The following RAB38 variants were observed in gnomAD, a reference collection of about 807,000 sequenced individuals.
The protein encoded by RAB38 is RAB38, member RAS oncogene family, also known as ras-related protein Rab-38.
Under a neutral mutation model 18.4 loss-of-function variants are expected in RAB38, and 15 were observed. The ratio of observed to expected loss-of-function variants is 0.82; its 90% CI spans 0.55 to 1.26. The LOEUF (loss-of-function observed/expected upper bound fraction) is 1.26, where lower values mean the gene tolerates loss of function less well. Ranked by LOEUF, RAB38 falls within the 50% of genes most tolerant of loss-of-function variation. The pLI is 0.00. For synonymous variants in RAB38, 101 were observed against 104.4 expected (o/e 0.97, Z 0.20); for missense variants, 294 against 267.4 (o/e 1.10, Z -0.69).
the RAB38 span, among the ~76,000 whole-genome samples, chr11:87,894,542 T>A: frequency 5.3e-5 from 8 of 151,700 alleles, no homozygotes; most frequent in Admixed American, 5.3e-4. Context: ...TGTATTAAAA[T>A]CATCTGAACA....
At chr11:88,133,770 G>C (rs1942795615) in intron 2 of RAB38, among the ~76,000 whole-genome samples, 1 of 152,014 alleles carries the variant, frequency 6.6e-6, no homozygotes, top group Non-Finnish European at 1.5e-5. Context: ...TTACTACTCA[G>C]AAGAATAGCA....
At chr11:87,976,469 CAT>C in the RAB38 span, among the ~76,000 whole-genome samples, 19 of 127,346 alleles carry the variant, frequency 1.5e-4, no homozygotes, top group African/African-American at 5.4e-4. Flanking sequence ...ATATATTTTA[CAT>C]ATAGTTATAT....
At position 88,149,930 on chromosome 11, in the gene RAB38, C is replaced by T. The variant is rs150190201; in HGVS notation, c.228G>A (p.Thr76=). 2.5e-4 allele frequency: 396 copies of T among 1,611,144 alleles called. No homozygotes were observed. The highest frequency in any genetic ancestry group is 3.2e-4 in the Non-Finnish European group (374 of 1,178,722). The change falls in exon 2 of 3, where the codon ACG becomes ACA. Residue 76 remains threonine, a synonymous_variant. Coordinates refer to ENST00000243662, the MANE Select transcript of RAB38 (RefSeq NM_022337.3). ...IAGQERFGNM[T]RVYYREAMGA... ...CCATAGCTTCTCGGTAATAGACCCTCGTCATGTTTCCAAATCTTTCTTGAC... is the reference window on the plus strand; with the variant it reads ...CCATAGCTTCTCGGTAATAGACCCTTGTCATGTTTCCAAATCTTTCTTGAC...
chr11:88,123,673 G>C (rs987123546), intron 2 of RAB38, among the ~76,000 whole-genome samples: 4 of 152,118 alleles, frequency 2.6e-5, no homozygotes, highest in Non-Finnish European at 5.9e-5. Flanking sequence ...TGCTCCACAG[G>C]TGATTTCAGT....
the RAB38 span, among the ~76,000 whole-genome samples, chr11:88,020,572 G>A: frequency 7.2e-5 from 11 of 151,958 alleles, no homozygotes; most frequent in African/African-American, 1.7e-4. Flanking sequence ...AAGAAACATC[G>A]GACTTAATCT....
the RAB38 span, among the ~76,000 whole-genome samples, chr11:88,092,649 C>G: frequency 6.6e-6 from 1 of 151,466 alleles, no homozygotes; most frequent in Non-Finnish European, 1.5e-5. Context: ...ATATCTGAAC[C>G]ATGTCAAAGA....
the RAB38 span, among the ~76,000 whole-genome samples, chr11:87,913,299 G>A: frequency 6.6e-6 from 1 of 152,042 alleles, no homozygotes; most frequent in South Asian, 2.1e-4. Flanking sequence ...ATGGAGGAAT[G>A]TTAAAATCTT....
chr11:88,021,563 A>AATTTATTTATTT, the RAB38 span, among the ~76,000 whole-genome samples: 89 of 141,954 alleles, frequency 6.3e-4, no homozygotes, highest in African/African-American at 1.9e-3. Context: ...AGAGAAAGAT[A>AATTTATTTATTT]ATTTATTTAT....
At chr11:88,151,947 G>C (rs1943067231) in intron 1 of RAB38, among the ~76,000 whole-genome samples, 1 of 152,210 alleles carries the variant, frequency 6.6e-6, no homozygotes, top group Non-Finnish European at 1.5e-5. Flanking sequence ...GGTTATACCA[G>C]AGACGCATTT....
chr11:87,972,679 A>T, the RAB38 span, among the ~76,000 whole-genome samples: 8 of 152,092 alleles, frequency 5.3e-5, no homozygotes, highest in Non-Finnish European at 1.2e-4. Context: ...CTTTGCAACG[A>T]AGTTTCCAGA....
At chr11:87,853,591 A>G in the RAB38 span, among the ~76,000 whole-genome samples, 5 of 152,292 alleles carry the variant, frequency 3.3e-5, no homozygotes, top group East Asian at 5.8e-4. Flanking sequence ...GAAGCAGTGG[A>G]AAAAAATACT....
At chr11:87,886,736 G>A in the RAB38 span, among the ~76,000 whole-genome samples, 1 of 151,546 alleles carries the variant, frequency 6.6e-6, no homozygotes, top group Non-Finnish European at 1.5e-5. Context: ...ACAAAGTAAG[G>A]TTGAGAAAGA....
At chr11:87,967,956 A>G in the RAB38 span, among the ~76,000 whole-genome samples, 5 of 152,084 alleles carry the variant, frequency 3.3e-5, no homozygotes, top group African/African-American at 1.2e-4. Flanking sequence ...CTCTCACTGG[A>G]TGGATATGTC....
the RAB38 span, among the ~76,000 whole-genome samples, chr11:88,037,170 T>A: frequency 6.6e-6 from 1 of 152,100 alleles, no homozygotes; most frequent in South Asian, 2.1e-4. Context: ...TGAAACATTC[T>A]ATTACAACCA....
the RAB38 span, among the ~76,000 whole-genome samples, chr11:87,920,777 T>C: frequency 6.6e-6 from 1 of 152,102 alleles, no homozygotes; most frequent in Admixed American, 6.6e-5. Flanking sequence ...TATTTCTCCC[T>C]TCAGATCTAT....
the RAB38 span, among the ~76,000 whole-genome samples, chr11:87,931,073 T>C: frequency 3.3e-5 from 5 of 152,162 alleles, no homozygotes; most frequent in Non-Finnish European, 7.3e-5. Context: ...CATAGAACTT[T>C]AAAGTAGTTG....
chr11:88,063,344 TTCC>T, the RAB38 span, among the ~76,000 whole-genome samples: 42 of 152,174 alleles, frequency 2.8e-4, no homozygotes, highest in Non-Finnish European at 4.7e-4. Context: ...CCCTTTAGGT[TTCC>T]AATTTTCCAC....
chr11:88,004,034 T>C, the RAB38 span, among the ~76,000 whole-genome samples: 1 of 140,374 alleles, frequency 7.1e-6, no homozygotes, highest in African/African-American at 2.6e-5. Context: ...TTCTATTTTA[T>C]ATATATATGG....
At chr11:88,142,255 GCTTTGAGCAAGTCC>G (rs1423833674) in intron 2 of RAB38, among the ~76,000 whole-genome samples, 1 of 152,200 alleles carries the variant, frequency 6.6e-6, no homozygotes, top group African/African-American at 2.4e-5. Flanking sequence ...TGCATGCATG[GCTTTGAGCAAGTCC>G]CTTAATCATA....
Sources: gnomAD v4.1 joint callset for allele counts (sites outside exome capture counted in the v4.1 genomes callset) on GRCh38, gnomAD v4.1.1 for gene constraint, MANE v1.5 for transcripts, NCBI Gene and HGNC (gene_info 2026-07-23, HGNC 2026-07-21) for gene names.